The following DOP1B variants were observed in gnomAD, a reference collection of about 807,000 sequenced individuals.
DOP1B encodes protein DOP1B.
Under a neutral mutation model 233.5 loss-of-function variants are expected in DOP1B, and 174 were observed. The ratio of observed to expected loss-of-function variants is 0.75; its 90% CI spans 0.66 to 0.85. DOP1B has a LOEUF of 0.85. Among genes scored for constraint, DOP1B ranks in the 40% least tolerant of loss-of-function variants. DOP1B has a pLI of 0.00. For synonymous variants in DOP1B, 1,190 were observed against 1,185.6 expected (o/e 1.00, Z -0.08); for missense variants, 2,652 against 2,846.6 (o/e 0.93, Z 1.56).
intron 2 of DOP1B, among the ~76,000 whole-genome samples, chr21:36,176,928 C>T (rs147427153): frequency 1.6e-4 from 25 of 152,302 alleles, no homozygotes; most frequent in African/African-American, 5.8e-4. Context: ...AAGTGATTCT[C>T]CTGCCCCAGG....
chr21:36,221,221 A>G (rs1367911121), intron 10 of DOP1B, among the ~76,000 whole-genome samples: 2 of 152,100 alleles, frequency 1.3e-5, no homozygotes, highest in African/African-American at 4.8e-5. Context: ...GGCCAAGTGC[A>G]GTGGCTCACG....
chr21:36,195,918 G>C (rs1443003007), intron 2 of DOP1B, among the ~76,000 whole-genome samples: 6 of 152,208 alleles, frequency 3.9e-5, no homozygotes, highest in Admixed American at 3.3e-4. Context: ...CATAATCTTA[G>C]AGGCAGGGAA....
intron 2 of DOP1B, among the ~76,000 whole-genome samples, chr21:36,190,124 C>A (rs191890712): frequency 0.032 from 4,814 of 151,960 alleles, 104 homozygotes; most frequent in South Asian, 0.07. Flanking sequence ...TCGAGACCAG[C>A]CTGGCCAAAA....
rs369953964 is a variant in DOP1B, at chr21:36,181,123, C to T, written c.138+16252C>T. Among the ~76,000 whole-genome samples the T allele has an allele frequency of 1.0e-3, 156 of 152,256 alleles. 3 individuals are homozygous for T. In the Middle Eastern group the frequency reaches 0.02, roughly 20 times the overall value. On this transcript the variant is annotated intron_variant, in intron 2 of 36. Coordinates refer to ENST00000691173, the MANE Select transcript of DOP1B (RefSeq NM_001320714.2). ...AATGTTGCTATCAGTGTGTTAACCA[C>T]GGTAATGTTGGCTGCTATAACAAAG...
chr21:36,168,481 A>G (rs1282448330), intron 2 of DOP1B, among the ~76,000 whole-genome samples: 1 of 152,094 alleles, frequency 6.6e-6, no homozygotes, highest in Non-Finnish European at 1.5e-5. Context: ...CATATCCACC[A>G]AAAGCAATGC....
chr21:36,233,342 T>G (rs970400768), intron 15 of DOP1B, among the ~76,000 whole-genome samples: 4 of 152,100 alleles, frequency 2.6e-5, no homozygotes, highest in Admixed American at 1.3e-4. Flanking sequence ...GGGGTCTGGG[T>G]GGAGGCAGGG....
chr21:36,199,966 T>G (rs1331896557), intron 3 of DOP1B, among the ~76,000 whole-genome samples: 1 of 152,202 alleles, frequency 6.6e-6, no homozygotes, highest in Non-Finnish European at 1.5e-5. Context: ...ACGGGATGGC[T>G]GGGTCAAATG....
chr21:36,208,698 T>C lies in DOP1B; in HGVS notation c.492-17T>C. On this transcript the variant is annotated splice_polypyrimidine_tract_variant and intron_variant, in intron 4 of 36. Coordinates refer to ENST00000691173, the MANE Select transcript of DOP1B (RefSeq NM_001320714.2). ...AGATGGGGCGAGCCCTTGAACCCTA[T>C]CCTCTCTCATCAACAGAACGGATGC... 2 of 1,609,968 alleles carry C rather than the reference T, an allele frequency of 1.2e-6. No individual in the cohort carries two copies. Among genetic ancestry groups the C allele is most frequent in the East Asian group, 4.5e-5 (2 of 44,288 alleles).
At chr21:36,201,203 C>T (rs2066361294) in intron 4 of DOP1B, among the ~76,000 whole-genome samples, 1 of 152,152 alleles carries the variant, frequency 6.6e-6, no homozygotes, top group Admixed American at 6.5e-5. Flanking sequence ...GCATTACACA[C>T]ATGATCACAT....
At chr21:36,164,910 G>A (rs755821609) in intron 2 of DOP1B, 39 bp downstream of exon 2, 3 of 1,424,554 alleles carry the variant, frequency 2.1e-6, no homozygotes, top group Non-Finnish European at 2.8e-6. Context: ...CATGGAGGTG[G>A]GGACGTAATT....
At chr21:36,198,882 C>T (rs141983626) in intron 2 of DOP1B, among the ~76,000 whole-genome samples, 188 bp from the exon 3 acceptor site, 1 of 152,352 alleles carries the variant, frequency 6.6e-6, no homozygotes, top group Non-Finnish European at 1.5e-5. Flanking sequence ...GTGCCTGCCT[C>T]ATCTCCAGCG....
intron 30 of DOP1B, among the ~76,000 whole-genome samples, chr21:36,279,866 A>G (rs1172328323): frequency 1.3e-5 from 2 of 152,098 alleles, no homozygotes; most frequent in Admixed American, 6.6e-5. Flanking sequence ...TCTTTTCAGA[A>G]AGCAGTTTTT....
chr21:36,225,567 C>A lies in DOP1B; in HGVS notation c.1373C>A (p.Pro458Gln), dbSNP rs1453486705. The A allele has an allele frequency of 6.2e-7, 1 of 1,614,012 alleles. No individual in the cohort carries two copies. The highest frequency in any genetic ancestry group is 2.2e-5 in the East Asian group (1 of 44,878). ...TTTTTCTTTGCTGTGATTTATAGAC[C>A]AGTGAAGCAGCGTTACAGCGTGAGG... ...MTRCFEECFR[P>Q]VKQRYSVRNS... is the part of the protein sequence containing the mutation. The change falls in exon 12 of 37, where the codon CCA becomes CAA. Residue 458 changes from proline to glutamine, a missense_variant and splice_region_variant. By Grantham distance (76) the Pro-to-Gln change is moderately conservative (BLOSUM62 -1). Around this residue, in one of 3 missense-constraint regions of DOP1B, gnomAD observed 2,617 missense variants for 2,794.3 expected, o/e 0.94. Coordinates refer to ENST00000691173, the MANE Select transcript of DOP1B (RefSeq NM_001320714.2).
At chr21:36,176,027 A>AG (rs2066020368) in intron 2 of DOP1B, among the ~76,000 whole-genome samples, 1 of 150,992 alleles carries the variant, frequency 6.6e-6, no homozygotes, top group Non-Finnish European at 1.5e-5. Context: ...GAACAGAGGA[A>AG]GTGTGATTTC....
intron 2 of DOP1B, among the ~76,000 whole-genome samples, chr21:36,194,065 G>T (rs534632187): frequency 1.6e-4 from 24 of 152,296 alleles, no homozygotes; most frequent in African/African-American, 5.1e-4. Flanking sequence ...TTCTGAAACT[G>T]GAATTGGTGG....
At chr21:36,176,097 C>CGTGTGCGTGTGTGT (rs375729449) in intron 2 of DOP1B, among the ~76,000 whole-genome samples, 118 of 141,848 alleles carry the variant, frequency 8.3e-4, no homozygotes, top group Non-Finnish European at 1.4e-3. Context: ...GGTGTGTGTG[C>CGTGTGCGTGTGTGT]GTGTGTGTGT....
Position 36,237,177 on chromosome 21 carries a change from G to A in DOP1B, c.2623-85G>A. 4 of 1,560,490 alleles carry A rather than the reference G, an allele frequency of 2.6e-6. No individual in the cohort carries two copies. The East Asian group carries it at 6.8e-5, about 26-fold the overall frequency. On this transcript the variant is annotated intron_variant, in intron 15 of 36. Coordinates refer to ENST00000691173, the MANE Select transcript of DOP1B (RefSeq NM_001320714.2). ...AGTATAGGTGAGATCCAGTATGTCG[G>A]GGCTGGGACTGACTGAGTGAGGATG...
rs772551017 is a variant in DOP1B at position 36,238,602 on chromosome 21, G to A, written c.2777G>A (p.Gly926Glu). The A allele has an allele frequency of 6.2e-7, 1 of 1,614,176 alleles. No homozygotes were observed. Among genetic ancestry groups the A allele is most frequent in the South Asian group, 1.1e-5 (1 of 91,084 alleles). ...ICHALLDPDK[G>E]TRLEALFRFS... ...ACTCCCATGTATCTCCTCATCAAGG[G>A]AACAAGGCTGGAAGCTCTGTTTAGA... The change falls in exon 17 of 37, where the codon GGA becomes GAA. Residue 926 changes from glycine (G) to glutamate (E), a missense_variant and splice_region_variant. Around this residue, in one of 3 missense-constraint regions of DOP1B, gnomAD observed 2,617 missense variants for 2,794.3 expected, o/e 0.94. Coordinates refer to ENST00000691173, the MANE Select transcript of DOP1B (RefSeq NM_001320714.2).
intron 15 of DOP1B, among the ~76,000 whole-genome samples, chr21:36,234,749 C>T (rs1250956313): frequency 2.6e-5 from 4 of 152,098 alleles, no homozygotes; most frequent in African/African-American, 9.7e-5. Flanking sequence ...CCATATTGGC[C>T]ACGCTGGTCT....
Sources: allele counts gnomAD v4.1 joint callset (sites outside exome capture counted in the v4.1 genomes callset), GRCh38; gene constraint gnomAD v4.1.1; regional missense constraint gnomAD v4.1.1; transcripts MANE v1.5; gene names NCBI Gene and HGNC (gene_info 2026-07-23, HGNC 2026-07-21).